The following MGAT4C variants were observed in gnomAD, a reference collection of about 807,000 sequenced individuals.
The protein encoded by MGAT4C is MGAT4 family member C, also known as alpha-1,3-mannosyl-glycoprotein 4-beta-N-acetylglucosaminyltransferase C.
A neutral mutation model predicts 40.1 loss-of-function variants in MGAT4C; 19 were observed. That is an observed-to-expected ratio of 0.47 (90% CI 0.33 to 0.70). The LOEUF is 0.70. Among genes scored for constraint, MGAT4C ranks in the 30% least tolerant of loss-of-function variants. The pLI, the probability that MGAT4C is intolerant of heterozygous loss-of-function variation, is 0.02. For synonymous variants in MGAT4C, 181 were observed against 187.1 expected (o/e 0.97, Z 0.27); for missense variants, 491 against 563.2 (o/e 0.87, Z 1.30).
chr12:86,575,521 G>A (rs1378005788), intron 2 of MGAT4C, among the ~76,000 whole-genome samples: 1 of 151,860 alleles, frequency 6.6e-6, no homozygotes, highest in African/African-American at 2.4e-5. Context: ...TTCTATCCAT[G>A]TTGTTGCAAA....
chr12:86,738,248 T>C (rs1348437971), intron 1 of MGAT4C, among the ~76,000 whole-genome samples: 1 of 151,474 alleles, frequency 6.6e-6, no homozygotes, highest in African/African-American at 2.4e-5. Flanking sequence ...CTCACACATA[T>C]TTGTTTTCCT....
intron 2 of MGAT4C, among the ~76,000 whole-genome samples, chr12:86,603,616 A>AG (rs1454542147): frequency 8.0e-6 from 1 of 125,176 alleles, no homozygotes; most frequent in Non-Finnish European, 1.6e-5. Context: ...GATAATATAT[A>AG]TTATATAGTC....
intron 1 of MGAT4C, among the ~76,000 whole-genome samples, chr12:86,116,188 G>A (rs1878384532): frequency 6.6e-6 from 1 of 151,860 alleles, no homozygotes; most frequent in Non-Finnish European, 1.5e-5. Flanking sequence ...GGGCCTTAGA[G>A]GAAAGAGCCA....
intron 1 of MGAT4C, among the ~76,000 whole-genome samples, chr12:86,774,792 A>C (rs1490226126): frequency 6.6e-6 from 1 of 152,190 alleles, no homozygotes; most frequent in Non-Finnish European, 1.5e-5. Context: ...TTCATACTTC[A>C]TCTTAATAAG....
chr12:86,794,457 T>C (rs983479220), intron 1 of MGAT4C, among the ~76,000 whole-genome samples: 8 of 151,796 alleles, frequency 5.3e-5, no homozygotes, highest in African/African-American at 1.9e-4. Flanking sequence ...TCAGTTCCAA[T>C]CTGTTTTCTA....
At chr12:86,239,371 A>C (rs1421126075) in intron 1 of MGAT4C, among the ~76,000 whole-genome samples, 1 of 152,124 alleles carries the variant, frequency 6.6e-6, no homozygotes, top group Non-Finnish European at 1.5e-5. Flanking sequence ...AATTAAATTT[A>C]AGAAAGCCTT....
chr12:86,678,989 C>T (rs1949925509), intron 2 of MGAT4C, among the ~76,000 whole-genome samples: 1 of 152,018 alleles, frequency 6.6e-6, no homozygotes, highest in Non-Finnish European at 1.5e-5. Context: ...GCTCTAGATC[C>T]CTGAGGAATC....
At chr12:86,755,114 G>A (rs983529) in intron 1 of MGAT4C, among the ~76,000 whole-genome samples, 59,185 of 152,010 alleles carry the variant, frequency 0.39, 11,645 homozygotes, top group Non-Finnish European at 0.42. Context: ...CTTTAACATG[G>A]TTTTAGTAGA....
intron 1 of MGAT4C, among the ~76,000 whole-genome samples, chr12:86,085,500 A>G (rs1871637215): frequency 6.6e-6 from 1 of 152,108 alleles, no homozygotes; most frequent in South Asian, 2.1e-4. Context: ...TTTGTCAAAG[A>G]TCAGATGATT....
chr12:86,310,124 TC>T (rs1452890739), intron 4 of MGAT4C, among the ~76,000 whole-genome samples: 2 of 148,958 alleles, frequency 1.3e-5, no homozygotes, highest in African/African-American at 4.9e-5. Flanking sequence ...GAGGGAGGAG[TC>T]AAAGTGTTAA....
intron 1 of MGAT4C, among the ~76,000 whole-genome samples, chr12:86,816,355 T>C (rs893894250): frequency 2.0e-5 from 3 of 151,896 alleles, no homozygotes; most frequent in Non-Finnish European, 2.9e-5. Context: ...TTGTTTAAAT[T>C]AGTTGACGGT....
At chr12:86,618,617 T>TA (rs1962535980) in intron 2 of MGAT4C, among the ~76,000 whole-genome samples, 1 of 152,124 alleles carries the variant, frequency 6.6e-6, no homozygotes, top group African/African-American at 2.4e-5. Context: ...ACATGAGAGT[T>TA]AAAAAATTGA....
intron 2 of MGAT4C, among the ~76,000 whole-genome samples, chr12:86,657,890 C>T (rs950829862): frequency 1.3e-5 from 2 of 151,750 alleles, no homozygotes; most frequent in African/African-American, 4.8e-5. Flanking sequence ...ACAGTGGTTC[C>T]CCAGGCTTAT....
At chr12:85,994,732 G>C (rs975441060) in intron 2 of MGAT4C, among the ~76,000 whole-genome samples, 1 of 152,072 alleles carries the variant, frequency 6.6e-6, no homozygotes, top group African/African-American at 2.4e-5. Flanking sequence ...ATTTCAAGTA[G>C]GGAGAACAGA....
In MGAT4C at chr12:86,753,914, T is replaced by G. The variant is rs541290288; in HGVS notation, c.-261-26673A>C. 2.0e-5 allele frequency among the ~76,000 whole-genome samples: 3 copies of G among 152,188 alleles called. No homozygotes were observed. In the South Asian group the frequency reaches 6.2e-4, roughly 32 times the overall value. ...ACCACTCATATACTGTTGGTGTGGA[T>G]GTAAAAATCACACAACTTTGGAGAA... On this transcript the variant is annotated intron_variant, in intron 1 of 7. Coordinates refer to the MGAT4C transcript ENST00000548651.
intron 4 of MGAT4C, among the ~76,000 whole-genome samples, chr12:86,283,326 A>G (rs1438007167): frequency 1.3e-5 from 2 of 152,018 alleles, no homozygotes; most frequent in Non-Finnish European, 2.9e-5. Flanking sequence ...CTGTTCTTAT[A>G]GTGTTTTATA....
chr12:86,771,616 G>A (rs1951638115), intron 1 of MGAT4C, among the ~76,000 whole-genome samples: 1 of 151,990 alleles, frequency 6.6e-6, no homozygotes, highest in African/African-American at 2.4e-5. Flanking sequence ...GGAGGCCAAG[G>A]TGGGAGGATT....
chr12:86,547,357 T>G (rs2136392223), intron 2 of MGAT4C, among the ~76,000 whole-genome samples: 1 of 152,176 alleles, frequency 6.6e-6, no homozygotes, highest in African/African-American at 2.4e-5. Context: ...TCTTCTTTCT[T>G]TATCCTCTTA....
Position 85,994,746 on chromosome 12 carries a change from C to T in MGAT4C, c.-6-5194G>A, listed in dbSNP as rs539530723. On this transcript the variant is annotated intron_variant, in intron 2 of 4. Coordinates refer to ENST00000611864, the MANE Select transcript of MGAT4C (RefSeq NM_001351288.2). ...GATTTCAAGTAGGGAGAACAGACTC[C>T]GGGATTAGTCCATATTTTTATTGTG... Among the ~76,000 whole-genome samples the T allele has an allele frequency of 5.1e-4, 78 of 152,102 alleles. 1 individual carries two copies. The highest frequency in any genetic ancestry group is 4.2e-3 in the South Asian group (20 of 4,816).
Sources: allele counts gnomAD v4.1 joint callset (sites outside exome capture counted in the v4.1 genomes callset), GRCh38; gene constraint gnomAD v4.1.1; transcripts MANE v1.5; gene names NCBI Gene and HGNC (gene_info 2026-07-23, HGNC 2026-07-21).